RNF216: variants seen among roughly 807,000 people sequenced by gnomAD.
The protein encoded by RNF216 is ring finger protein 216.
A neutral mutation model predicts 110.8 loss-of-function variants in RNF216; 72 were observed. The ratio of observed to expected loss-of-function variants is 0.65; its 90% confidence interval spans 0.54 to 0.79. RNF216 has a LOEUF of 0.79. RNF216 is among the 30% of genes least tolerant of loss of function. RNF216 has a pLI of 0.00. For synonymous variants in RNF216, 495 were observed against 407.5 expected (o/e 1.21, Z -2.59); for missense variants, 1,342 against 1,141.2 (o/e 1.18, Z -2.54).
chr7:5,636,952 C>G (rs865797842), intron 15 of RNF216, among the ~76,000 whole-genome samples: 1 of 152,148 alleles, frequency 6.6e-6, no homozygotes, highest in Admixed American at 6.6e-5. Flanking sequence ...GCAGAAGACA[C>G]AGAACGAGGA....
chr7:5,686,302 G>A lies in RNF216; in HGVS notation c.2061+25459C>T, dbSNP rs375686642. 2.6e-5 allele frequency among the ~76,000 whole-genome samples: 4 copies of A among 151,358 alleles called. No homozygotes were observed. The East Asian group carries it at 7.8e-4, about 29-fold the overall frequency. On this transcript the variant is annotated intron_variant, in intron 13 of 16. Transcript: ENST00000389902. The stretch of plus-strand genomic sequence containing the variant: ...ACACCACTGCTGCCACGTGGTTTCT[G>A]TGGGGGCTTCTGACACCTCTGTCAA...
In RNF216 at chr7:5,633,128, C is replaced by T. The variant is rs187640446; in HGVS notation, c.2382+8026G>A. Among the ~76,000 whole-genome samples the T allele has an allele frequency of 3.6e-3, 546 of 152,016 alleles. 3 individuals are homozygous for T. The highest frequency in any genetic ancestry group is 0.012 in the African/African-American group (502 of 41,542). On this transcript the variant is annotated intron_variant, in intron 15 of 16. Transcript: ENST00000389902. Reference sequence around the variant, plus strand: ...CCAAGCAGCTGGGAGTACAGGCGTCCGCCCCATGCCCAGCTAATTTTTGTA... The same window carrying T: ...CCAAGCAGCTGGGAGTACAGGCGTCTGCCCCATGCCCAGCTAATTTTTGTA...
chr7:5,726,449 T>C (rs1793758795), intron 7 of RNF216, among the ~76,000 whole-genome samples: 1 of 152,146 alleles, frequency 6.6e-6, no homozygotes. Flanking sequence ...TGCACCTATA[T>C]CCACCCCACC....
intron 13 of RNF216, among the ~76,000 whole-genome samples, chr7:5,664,777 A>G (rs796610972): frequency 4.9e-4 from 74 of 152,308 alleles, no homozygotes; most frequent in African/African-American, 1.8e-3. Flanking sequence ...TCCAGTTCTT[A>G]AAGGACACAC....
intron 1 of RNF216, among the ~76,000 whole-genome samples, chr7:5,774,010 C>T (rs1289203976): frequency 3.9e-5 from 6 of 152,174 alleles, no homozygotes; most frequent in Admixed American, 3.9e-4. Flanking sequence ...AGTAACGGTT[C>T]AAAAAATTCC....
At chr7:5,673,747 C>T (rs529177384) in intron 13 of RNF216, among the ~76,000 whole-genome samples, 4 of 152,152 alleles carry the variant, frequency 2.6e-5, no homozygotes, top group South Asian at 2.1e-4. Context: ...TGCAGTGGTG[C>T]GCACCTGTAA....
rs951008055 is a variant in RNF216, at chr7:5,621,609, G to A, written c.*1251C>T. 1.4e-4 allele frequency: 21 copies of A among 152,414 alleles called. No individual in the cohort carries two copies. Among genetic ancestry groups the A allele is most frequent in the Admixed American group, 1.2e-3 (19 of 15,304 alleles). 9.4% of individuals were successfully genotyped at this position (152,414 alleles called of 1,614,324 possible). A position where few individuals can be genotyped will look rare whatever the true frequency, so the allele number is the denominator to read the frequency against. On this transcript the variant is annotated 3_prime_UTR_variant, in exon 17 of 17. Coordinates refer to ENST00000389902, the MANE Select transcript of RNF216 (RefSeq NM_207111.4). ...GAGACTGATGCAGCCCCACCCCAAT[G>A]GTTGTCGGACTCAGCTGTGTCTGAG...
intron 13 of RNF216, among the ~76,000 whole-genome samples, chr7:5,704,783 G>A (rs1792182811): frequency 6.6e-6 from 1 of 152,122 alleles, no homozygotes; most frequent in South Asian, 2.1e-4. Context: ...GCTCCACCAG[G>A]CCGTCACTGC....
intron 5 of RNF216, among the ~76,000 whole-genome samples, chr7:5,738,918 T>C (rs929832265): frequency 2.8e-4 from 43 of 152,162 alleles, no homozygotes; most frequent in African/African-American, 9.2e-4. Context: ...GTATCACTAA[T>C]GTCAGAACGA....
chr7:5,725,370 T>G lies in RNF216; in HGVS notation c.1458A>C (p.Arg486Ser). The stretch of plus-strand genomic sequence containing the variant: ...TGTAAGAATACTGGTTCATTTGTTT[T>G]CTCTTCTTCCTTTTTCCACTGGTTT... The part of the protein sequence containing the change: ...SPETSGKRKK[R>S]KQMNQYSYID... The change falls in exon 8 of 17, where the codon AGA (arginine) becomes AGC (serine). Residue 486 changes from arginine (R) to serine (S), a missense_variant. Physicochemically the swap from Arg to Ser is moderately radical, Grantham distance 110. Transcript: ENST00000389902. 6.2e-7 allele frequency: 1 copy of G among 1,613,884 alleles called. No homozygotes were observed. The highest frequency in any genetic ancestry group is 2.2e-5 in the East Asian group (1 of 44,896).
At chr7:5,679,521 T>C (rs1790519650) in intron 13 of RNF216, among the ~76,000 whole-genome samples, 1 of 152,108 alleles carries the variant, frequency 6.6e-6, no homozygotes, top group African/African-American at 2.4e-5. Flanking sequence ...GCAGTAGGAG[T>C]GCTGACCAGA....
chr7:5,648,633 CAGG>C (rs1357285803), intron 14 of RNF216, among the ~76,000 whole-genome samples: 1 of 150,498 alleles, frequency 6.6e-6, no homozygotes, highest in Non-Finnish European at 1.5e-5. Context: ...GAGGCTGAGG[CAGG>C]AGAACGGTGT....
chr7:5,757,680 G>A (rs979809209), intron 2 of RNF216, among the ~76,000 whole-genome samples: 40 of 152,104 alleles, frequency 2.6e-4, no homozygotes, highest in African/African-American at 9.4e-4. Context: ...TATATGAAAT[G>A]ACAGAGTCAA....
At chr7:5,765,557 G>A (rs1027134919) in intron 1 of RNF216, among the ~76,000 whole-genome samples, 6 of 151,694 alleles carry the variant, frequency 4.0e-5, no homozygotes, top group African/African-American at 1.5e-4. Context: ...TTGAGCCCAG[G>A]AGTTCGACAC....
chr7:5,715,283 A>C, intron 10 of RNF216, 93 bp from the exon 11 acceptor site: 1 of 1,320,344 alleles, frequency 7.6e-7, no homozygotes, highest in Non-Finnish European at 1.0e-6. Flanking sequence ...CACCCCCCAC[A>C]CAAATTCTGA....
chr7:5,715,938 TCAC>T (rs924990606), intron 10 of RNF216, among the ~76,000 whole-genome samples: 1 of 152,172 alleles, frequency 6.6e-6, no homozygotes, highest in South Asian at 2.1e-4. Flanking sequence ...AGACGGGGTT[TCAC>T]CACGTTGACC....
At chr7:5,738,474 C>A (rs1158183110) in intron 5 of RNF216, among the ~76,000 whole-genome samples, 1 of 151,952 alleles carries the variant, frequency 6.6e-6, no homozygotes, top group African/African-American at 2.4e-5. Flanking sequence ...TTTGGGAGGC[C>A]GAGGCGGGTG....
At chr7:5,767,703 A>G (rs1253252498) in intron 1 of RNF216, among the ~76,000 whole-genome samples, 1 of 150,806 alleles carries the variant, frequency 6.6e-6, no homozygotes, top group Non-Finnish European at 1.5e-5. Flanking sequence ...GGTTCAAGCC[A>G]TTTTCCTGCC....
At chr7:5,630,476 C>CAA (rs1787001678) in intron 15 of RNF216, among the ~76,000 whole-genome samples, 1 of 152,074 alleles carries the variant, frequency 6.6e-6, no homozygotes, top group Admixed American at 6.6e-5. Flanking sequence ...CTCCTGGGCT[C>CAA]AAGTGATCTT....
Sources: gnomAD v4.1 joint callset for allele counts (sites outside exome capture counted in the v4.1 genomes callset) on GRCh38, gnomAD v4.1.1 for gene constraint, MANE v1.5 for transcripts, NCBI Gene and HGNC (gene_info 2026-07-23, HGNC 2026-07-21) for gene names.